CORO1C: variants seen among roughly 807,000 people sequenced by gnomAD.
The protein encoded by CORO1C is coronin 1C.
In CORO1C, 14 loss-of-function variants were observed where a neutral mutation model predicts 51.2. The ratio of observed to expected loss-of-function variants is 0.27; its 90% CI spans 0.18 to 0.43. The LOEUF (loss-of-function observed/expected upper bound fraction) is 0.43, where lower values mean the gene tolerates loss of function less well. Ranked by LOEUF, CORO1C falls within the 20% of genes least tolerant of loss-of-function variation. CORO1C has a pLI of 1.00. For missense variants in CORO1C, 417 were observed against 607.8 expected (o/e 0.69, Z 3.30); for synonymous variants, 181 against 210.5 (o/e 0.86, Z 1.21).
intron 2 of CORO1C, among the ~76,000 whole-genome samples, chr12:108,684,478 C>T (rs2034232465): frequency 6.6e-6 from 1 of 151,938 alleles, no homozygotes; most frequent in Non-Finnish European, 1.5e-5. Context: ...TATTTATTGC[C>T]GCATTGTTGG....
chr12:108,727,941 T>C (rs2136893999), intron 1 of CORO1C, among the ~76,000 whole-genome samples: 1 of 152,302 alleles, frequency 6.6e-6, no homozygotes, highest in Non-Finnish European at 1.5e-5. Flanking sequence ...TGAATGGACA[T>C]TTCTCCAAAG....
chr12:108,695,043 G>GTGGCTC (rs1331856889), intron 2 of CORO1C, among the ~76,000 whole-genome samples: 2 of 152,188 alleles, frequency 1.3e-5, no homozygotes, highest in Non-Finnish European at 2.9e-5. Context: ...GCTTATCTGG[G>GTGGCTC]TGGCTCTGGC....
At chr12:108,695,310 T>A (rs1353444671) in intron 2 of CORO1C, among the ~76,000 whole-genome samples, 1 of 152,176 alleles carries the variant, frequency 6.6e-6, no homozygotes, top group East Asian at 1.9e-4. Context: ...AATTCCACCA[T>A]ACCCTATGGT....
chr12:108,723,121 T>C (rs1177917818), intron 1 of CORO1C, among the ~76,000 whole-genome samples: 1 of 152,198 alleles, frequency 6.6e-6, no homozygotes, highest in Non-Finnish European at 1.5e-5. Context: ...ATGACATTGT[T>C]AAGCTAAAGA....
In CORO1C at chr12:108,679,864, A is replaced by G. The variant is rs546039780; in HGVS notation, c.196-1470T>C. On this transcript the variant is annotated intron_variant, in intron 2 of 10. Transcript: ENST00000261401. ...TTCGTCATCTGTAAAATAGTTAACA[A>G]TGATACTTATTAACTCCCACAATTA... 8.5e-4 allele frequency among the ~76,000 whole-genome samples: 129 copies of G among 152,370 alleles called. 2 individuals carry two copies. The South Asian group carries it at 0.018, about 21-fold the overall frequency.
At chr12:108,683,763 CA>C (rs2136840356) in intron 2 of CORO1C, among the ~76,000 whole-genome samples, 1 of 152,232 alleles carries the variant, frequency 6.6e-6, no homozygotes, top group Admixed American at 6.5e-5. Flanking sequence ...ATCAATCAAT[CA>C]ATCAGCAAAT....
At chr12:108,701,093 G>A in intron 2 of CORO1C, 31 bp downstream of exon 2, 1 of 1,602,790 alleles carries the variant, frequency 6.2e-7, no homozygotes, top group Non-Finnish European at 8.5e-7. Flanking sequence ...ATCAGAGGGT[G>A]TCTACCAGAA....
At chr12:108,705,857 A>G (rs2035014126) in intron 1 of CORO1C, among the ~76,000 whole-genome samples, 1 of 152,144 alleles carries the variant, frequency 6.6e-6, no homozygotes, top group Non-Finnish European at 1.5e-5. Context: ...ATATCAATAG[A>G]AGAAAAAAAA....
chr12:108,662,265 A>G, intron 3 of CORO1C, 107 bp from the exon 4 acceptor site: 1 of 930,908 alleles, frequency 1.1e-6, no homozygotes. Flanking sequence ...AACAGAACAT[A>G]GAGTGATATC....
At chr12:108,681,036 C>T (rs2034107053) in intron 2 of CORO1C, among the ~76,000 whole-genome samples, 1 of 152,170 alleles carries the variant, frequency 6.6e-6, no homozygotes, top group African/African-American at 2.4e-5. Context: ...GTTCTTGTCT[C>T]ACGTTGCCTA....
At chr12:108,649,413 C>T (rs536609027) in intron 8 of CORO1C, 4 of 234,684 alleles carry the variant, frequency 1.7e-5, no homozygotes, top group East Asian at 1.1e-4. Flanking sequence ...ATCTACAACG[C>T]GGGTACAAGG....
chr12:108,652,123 G>T, intron 8 of CORO1C, 149 bp downstream of exon 8: 1 of 364,212 alleles, frequency 2.7e-6, no homozygotes, highest in Admixed American at 4.3e-5. Flanking sequence ...CTTAGAAAGT[G>T]CCATCTCATG....
intron 1 of CORO1C, among the ~76,000 whole-genome samples, chr12:108,711,186 G>A (rs1565935213): frequency 6.6e-6 from 1 of 151,574 alleles, no homozygotes; most frequent in Non-Finnish European, 1.5e-5. Context: ...AACATAGCGA[G>A]ACCCCATATC....
rs750305636 is a variant in CORO1C at position 108,701,108 on chromosome 12, A to T, written c.195+16T>A. On this transcript the variant is annotated intron_variant, in intron 2 of 10. Transcript: ENST00000261401. ...ATCAGAGGGTGTCTACCAGAATGGA[A>T]GATCAAATTACCTACCTTGTGCAGA... The T allele has an allele frequency of 3.1e-6, 5 of 1,613,570 alleles. No homozygotes were observed. The highest frequency in any genetic ancestry group is 1.7e-6 in the Non-Finnish European group (2 of 1,179,602).
Position 108,679,170 on chromosome 12 carries a change from TAAAAA to T in CORO1C, c.196-781_196-777del. Among the ~76,000 whole-genome samples the T allele has an allele frequency of 4.7e-5, 5 of 106,742 alleles. No individual in the cohort carries two copies. In the East Asian group the frequency reaches 1.4e-3, roughly 30 times the overall value. 70.0% of individuals were successfully genotyped at this position (106,742 alleles called of 152,430 possible). A position where few individuals can be genotyped will look rare whatever the true frequency, so the allele number is the denominator to read the frequency against. ...AAAAAAAAAAAGAAATTTAAAAAGTTAAAAAAAAAAAAAAAAGAAAAGCTTTAGCT... is the reference window on the plus strand; with the variant it reads ...AAAAAAAAAAAGAAATTTAAAAAGTTAAAAAAAAAAAGAAAAGCTTTAGCT... On this transcript the variant is annotated intron_variant, in intron 2 of 10. Transcript: ENST00000261401.
intron 1 of CORO1C, among the ~76,000 whole-genome samples, chr12:108,729,953 G>A (rs1339372803): frequency 1.3e-5 from 2 of 152,172 alleles, no homozygotes; most frequent in African/African-American, 4.8e-5. Context: ...TATATAGAGT[G>A]ACTAAGAGCC....
intron 2 of CORO1C, among the ~76,000 whole-genome samples, chr12:108,694,446 T>C (rs2034609728): frequency 6.6e-6 from 1 of 152,226 alleles, no homozygotes; most frequent in South Asian, 2.1e-4. Flanking sequence ...ACTCTGGTAA[T>C]ATTACTGATA....
intron 1 of CORO1C, among the ~76,000 whole-genome samples, chr12:108,711,990 A>G (rs1489970441): frequency 6.6e-6 from 1 of 152,130 alleles, no homozygotes; most frequent in Admixed American, 6.5e-5. Context: ...TAGTAGCAAA[A>G]TCCTGCTCAG....
At chr12:108,688,459 A>G (rs527623058) in intron 2 of CORO1C, among the ~76,000 whole-genome samples, 11 of 152,214 alleles carry the variant, frequency 7.2e-5, no homozygotes, top group Non-Finnish European at 1.6e-4. Context: ...AACTCTCGAA[A>G]TTCAACATTG....
Sources: allele counts gnomAD v4.1 joint callset (sites outside exome capture counted in the v4.1 genomes callset), GRCh38; gene constraint gnomAD v4.1.1; transcripts MANE v1.5; gene names NCBI Gene and HGNC (gene_info 2026-07-23, HGNC 2026-07-21).